PUM3: variants seen among roughly 807,000 people sequenced by gnomAD.
PUM3 encodes the protein pumilio homolog 3.
PUM3 carries 91 observed loss-of-function variants against 84.0 expected under a neutral mutation model. That is an observed-to-expected ratio of 1.08 (90% CI 0.91 to 1.29). The LOEUF is 1.29. PUM3 is among the 50% of genes most tolerant of loss of function. The pLI is 0.00. For synonymous variants in PUM3, 321 were observed against 266.7 expected (o/e 1.20, Z -1.98); for missense variants, 1,067 against 767.5 (o/e 1.39, Z -4.61).
At chr9:2,818,696 T>C (rs752058291) in intron 13 of PUM3, among the ~76,000 whole-genome samples, 7 of 152,156 alleles carry the variant, frequency 4.6e-5, no homozygotes, top group Non-Finnish European at 1.0e-4. Context: ...GTTTGTAACA[T>C]GAAAGTCTTG....
chr9:2,819,351 G>A (rs890597171), intron 13 of PUM3, among the ~76,000 whole-genome samples: 3 of 152,216 alleles, frequency 2.0e-5, no homozygotes, highest in Non-Finnish European at 4.4e-5. Flanking sequence ...GGCAACGTTA[G>A]CGATAAATAC....
At chr9:2,818,799 T>C (rs1821525016) in intron 13 of PUM3, among the ~76,000 whole-genome samples, 1 of 152,158 alleles carries the variant, frequency 6.6e-6, no homozygotes, top group Non-Finnish European at 1.5e-5. Context: ...AGCAAGGGCA[T>C]GAGAAATTCA....
intron 17 of PUM3, 111 bp from the exon 18 acceptor site, chr9:2,804,574 A>G (rs1311310300): frequency 5.4e-6 from 5 of 933,672 alleles, no homozygotes; most frequent in Admixed American, 2.9e-5. Context: ...CCTTGTAACT[A>G]TATACACATT....
At position 2,827,093 on chromosome 9, in the gene PUM3, C is replaced by T. The variant is rs774484372; in HGVS notation, c.1015G>A (p.Ala339Thr). The T allele has an allele frequency of 6.2e-7, 1 of 1,608,430 alleles. No homozygotes were observed. ...CTTACTGATCTGAGTTTGGGGGGTG[C>T]ATAGGTAAAAAAGTCCAAGAATACT... ...HKVFLDFFTY[A>T]PPKLRSEMIE... The change falls in exon 10 of 18, where the codon GCA (alanine) becomes ACA (threonine). Residue 339 changes from alanine (A) to threonine (T), a missense_variant. Ala to Thr is a moderately conservative substitution (Grantham distance 58). Coordinates refer to ENST00000397885, the MANE Select transcript of PUM3 (RefSeq NM_014878.5).
intron 17 of PUM3, among the ~76,000 whole-genome samples, chr9:2,804,930 G>A (rs1219551447): frequency 6.6e-6 from 1 of 152,208 alleles, no homozygotes; most frequent in Non-Finnish European, 1.5e-5. Flanking sequence ...GAGGCACAGA[G>A]AGGTCAGAGT....
In PUM3 at chr9:2,833,174, C is replaced by G. The variant is rs560462567; in HGVS notation, c.516+183G>C. ...AGACTGATAATCTTTTCAAAACTCCCTAGCAGTAAGGTCCCTCACTTTTAA... is the reference window on the plus strand; with the variant it reads ...AGACTGATAATCTTTTCAAAACTCCGTAGCAGTAAGGTCCCTCACTTTTAA... On this transcript the variant is annotated intron_variant, in intron 5 of 17. Transcript: ENST00000397885. Among the ~76,000 whole-genome samples, 6 of 152,244 alleles carry G rather than the reference C, an allele frequency of 3.9e-5. No individual in the cohort carries two copies. In the East Asian group the frequency reaches 1.2e-3, roughly 29 times the overall value.
At chr9:2,824,225 T>C (rs1225528497) in intron 11 of PUM3, among the ~76,000 whole-genome samples, 2 of 152,146 alleles carry the variant, frequency 1.3e-5, no homozygotes, top group Non-Finnish European at 2.9e-5. Flanking sequence ...GTAGATATAG[T>C]ACAACTATCT....
Position 2,812,239 on chromosome 9 carries a change from C to T in PUM3, c.1393G>A (p.Gly465Arg). ...VREIIEVLQK[G>R]DGNAHSKKDT... is the part of the protein sequence containing the mutation. ...TTTTACCTGTGTGCATTTCCATCTCCTTTTTGCAGAACTTCAATGATTTCT... is the reference window on the plus strand; with the variant it reads ...TTTTACCTGTGTGCATTTCCATCTCTTTTTTGCAGAACTTCAATGATTTCT... The change falls in exon 14 of 18, where the codon GGA (glycine) becomes AGA (arginine). Residue 465 changes from glycine to arginine, a missense_variant. By Grantham distance (125) the Gly-to-Arg change is moderately radical. Coordinates refer to ENST00000397885, the MANE Select transcript of PUM3 (RefSeq NM_014878.5). 6.2e-7 allele frequency: 1 copy of T among 1,613,850 alleles called. No individual in the cohort carries two copies. The highest frequency in any genetic ancestry group is 1.1e-5 in the South Asian group (1 of 91,056).
At chr9:2,843,128 A>G (rs964867670) in intron 1 of PUM3, among the ~76,000 whole-genome samples, 1 of 152,204 alleles carries the variant, frequency 6.6e-6, no homozygotes, top group Non-Finnish European at 1.5e-5. Context: ...TGTTTTCTAC[A>G]CATGGTAATA....
intron 13 of PUM3, among the ~76,000 whole-genome samples, chr9:2,819,731 C>T (rs930016252): frequency 1.3e-5 from 2 of 152,104 alleles, no homozygotes; most frequent in East Asian, 1.9e-4. Flanking sequence ...TTTAGAATCA[C>T]GTATGTTCTA....
At chr9:2,805,364 G>A (rs910508535) in intron 17 of PUM3, among the ~76,000 whole-genome samples, 2 of 152,164 alleles carry the variant, frequency 1.3e-5, no homozygotes, top group African/African-American at 4.8e-5. Context: ...AGCTCTGACC[G>A]CAGAGTACCA....
At chr9:2,815,282 C>T (rs1318503135) in intron 13 of PUM3, among the ~76,000 whole-genome samples, 1 of 152,114 alleles carries the variant, frequency 6.6e-6, no homozygotes, top group Admixed American at 6.6e-5. Context: ...TTAATCCTTC[C>T]CCAGCTCACC....
In PUM3 at chr9:2,819,406, G is replaced by C. The variant is rs113837537; in HGVS notation, c.1269+612C>G. On this transcript the variant is annotated intron_variant, in intron 13 of 17. Transcript: ENST00000397885. ...ACTTTATGGCCACTACACTGGACTAGAAGGAATTTCTGAAATGTCAAAAGG... is the reference window on the plus strand; with the variant it reads ...ACTTTATGGCCACTACACTGGACTACAAGGAATTTCTGAAATGTCAAAAGG... 8.1e-3 allele frequency among the ~76,000 whole-genome samples: 1,230 copies of C among 152,278 alleles called. 27 individuals are homozygous for C. Among genetic ancestry groups the C allele is most frequent in the African/African-American group, 0.029 (1,187 of 41,560 alleles).
intron 1 of PUM3, among the ~76,000 whole-genome samples, chr9:2,840,008 C>T (rs1816227121): frequency 6.6e-6 from 1 of 152,180 alleles, no homozygotes; most frequent in Non-Finnish European, 1.5e-5. Context: ...CCAGGATACA[C>T]TGAATCTGGC....
In PUM3 at chr9:2,824,759, G is replaced by A. The variant is rs893700490; in HGVS notation, c.1092C>T (p.Gly364=). 3.8e-6 allele frequency: 6 copies of A among 1,588,668 alleles called. No individual in the cohort carries two copies. The African/African-American group carries it at 5.4e-5, about 14-fold the overall frequency. Residue 364 remains glycine, a synonymous_variant, in exon 11 of 18, where the codon GGC becomes GGT. Coordinates refer to ENST00000397885, the MANE Select transcript of PUM3 (RefSeq NM_014878.5). The part of the protein sequence containing the change: ...AVVYLAHTHD[G]ARVAMHCLWH... ...ACAGGCAGTGCATGGCCACTCTGGC[G>A]CCATCGTGTGTGTGTGCCAGGTAGA...
rs760902576 is a variant in PUM3, at chr9:2,823,803, G to C, written c.1166C>G (p.Thr389Ser). 7.9e-6 allele frequency: 12 copies of C among 1,518,080 alleles called. No individual in the cohort carries two copies. The highest frequency in any genetic ancestry group is 2.5e-5 in the South Asian group (2 of 80,804). The allele number at this position is 1,518,080 out of a possible 1,614,324, so 94.0% of individuals were successfully genotyped here. A position where few individuals can be genotyped will look rare whatever the true frequency, so the allele number is the denominator to read the frequency against. Reference protein sequence around the residue: ...DRKVIVKTMKTYVEKVANGQY... With the variant: ...DRKVIVKTMKSYVEKVANGQY... The stretch of plus-strand genomic sequence containing the variant: ...TACATTAGCCACCTTTTCAACATAA[G>C]TCTTCATTGTTTTCACAATCACTTT... The change falls in exon 12 of 18, where the codon ACT becomes AGT. Residue 389 changes from threonine (T) to serine (S), a missense_variant. Coordinates refer to ENST00000397885, the MANE Select transcript of PUM3 (RefSeq NM_014878.5).
At chr9:2,805,124 A>G (rs1360373593) in intron 17 of PUM3, among the ~76,000 whole-genome samples, 2 of 152,214 alleles carry the variant, frequency 1.3e-5, no homozygotes, top group East Asian at 1.9e-4. Flanking sequence ...GGGATTCACA[A>G]CAGAGTCCAC....
At chr9:2,812,097 A>T (rs1821386794) in intron 14 of PUM3, 123 bp downstream of exon 14, 1 of 811,190 alleles carries the variant, frequency 1.2e-6, no homozygotes, top group South Asian at 1.6e-5. Flanking sequence ...TAGGCTTGAA[A>T]ATGGAATTCA....
intron 3 of PUM3, among the ~76,000 whole-genome samples, chr9:2,835,019 A>G (rs531871028): frequency 7.1e-4 from 108 of 151,700 alleles, no homozygotes; most frequent in African/African-American, 2.6e-3. Flanking sequence ...AATGCAAAAA[A>G]AAAAAAAAAG....
Sources: allele counts gnomAD v4.1 joint callset (sites outside exome capture counted in the v4.1 genomes callset), GRCh38; gene constraint gnomAD v4.1.1; transcripts MANE v1.5; gene names NCBI Gene and HGNC (gene_info 2026-07-23, HGNC 2026-07-21).